Variants in SOX5 observed in about 807,000 individuals in gnomAD.
SOX5 encodes SRY-box transcription factor 5, also known as transcription factor SOX-5.
In SOX5, 9 loss-of-function variants were observed where a neutral mutation model predicts 92.0. The observed-to-expected ratio is 0.10, with a 90% CI of 0.06 to 0.17. The LOEUF (loss-of-function observed/expected upper bound fraction) is 0.17. Ranked by LOEUF, SOX5 falls within the 10% of genes least tolerant of loss-of-function variation. SOX5 has a pLI of 1.00. For missense variants in SOX5, 642 were observed against 944.5 expected (o/e 0.68, Z 4.20); for synonymous variants, 344 against 336.3 (o/e 1.02, Z -0.25).
chr12:23,719,788 C>CAGA (rs1555289161), intron 6 of SOX5, among the ~76,000 whole-genome samples: 1 of 64,174 alleles, frequency 1.6e-5, no homozygotes, highest in Non-Finnish European at 2.8e-5. Flanking sequence ...AGCTATTTAC[C>CAGA]AAAAAAAAAA....
intron 1 of SOX5, among the ~76,000 whole-genome samples, chr12:24,443,038 G>A (rs1398734900): frequency 1.5e-5 from 2 of 135,558 alleles, no homozygotes; most frequent in African/African-American, 2.8e-5. Context: ...TGCCACCTCC[G>A]CCTCCTGGAT....
chr12:23,844,303 TG>T (rs1395267202), intron 3 of SOX5, among the ~76,000 whole-genome samples: 3 of 152,228 alleles, frequency 2.0e-5, no homozygotes, highest in Admixed American at 1.3e-4. Context: ...GAATGTGTAT[TG>T]CTTTTGTACC....
chr12:24,162,777 G>A (rs1952908606), intron 4 of SOX5, among the ~76,000 whole-genome samples: 1 of 151,972 alleles, frequency 6.6e-6, no homozygotes, highest in African/African-American at 2.4e-5. Flanking sequence ...TTGTCCTGTG[G>A]AATCTTTAAC....
chr12:24,100,192 TAAAC>T (rs1471984261), intron 4 of SOX5, among the ~76,000 whole-genome samples: 1 of 152,048 alleles, frequency 6.6e-6, no homozygotes, highest in Non-Finnish European at 1.5e-5. Context: ...TTAAAACAAA[TAAAC>T]AACACTTCCT....
intron 2 of SOX5, among the ~76,000 whole-genome samples, chr12:24,350,241 G>C (rs527460644): frequency 1.3e-5 from 2 of 152,328 alleles, no homozygotes; most frequent in African/African-American, 4.8e-5. Flanking sequence ...GTAGGGCGTA[G>C]GGCCCAGCCA....
intron 3 of SOX5, among the ~76,000 whole-genome samples, chr12:23,821,012 G>A (rs548928308): frequency 1.3e-3 from 191 of 152,244 alleles, no homozygotes; most frequent in African/African-American, 4.4e-3. Flanking sequence ...AATTACTTTG[G>A]GCAGTATGGC....
intron 4 of SOX5, among the ~76,000 whole-genome samples, chr12:24,064,915 C>T (rs184454127): frequency 6.6e-6 from 1 of 152,272 alleles, no homozygotes; most frequent in African/African-American, 2.4e-5. Context: ...CAAACACAGG[C>T]TATCAGCCAA....
At chr12:24,111,707 C>T (rs575208919) in intron 4 of SOX5, among the ~76,000 whole-genome samples, 46 of 152,066 alleles carry the variant, frequency 3.0e-4, no homozygotes, top group African/African-American at 9.9e-4. Flanking sequence ...ATTATCAAAG[C>T]TGAAAAAAAT....
intron 4 of SOX5, among the ~76,000 whole-genome samples, chr12:24,070,494 C>T (rs777511785): frequency 1.3e-5 from 2 of 151,840 alleles, no homozygotes; most frequent in Non-Finnish European, 2.9e-5. Context: ...TGGTGAAATA[C>T]ATATAACCAC....
chr12:23,845,400 C>T (rs960064505), intron 3 of SOX5, among the ~76,000 whole-genome samples: 5 of 152,084 alleles, frequency 3.3e-5, no homozygotes, highest in East Asian at 1.9e-4. Flanking sequence ...GTCCATTTGC[C>T]TATCACCTGA....
chr12:23,728,301 G>GGAGTTAAT (rs1160222543), intron 6 of SOX5, among the ~76,000 whole-genome samples: 24 of 152,266 alleles, frequency 1.6e-4, no homozygotes, highest in African/African-American at 5.3e-4. Flanking sequence ...TGGAGCTGAA[G>GGAGTTAAT]GAGTTAATGC....
intron 3 of SOX5, among the ~76,000 whole-genome samples, chr12:23,765,758 CTTT>C (rs571926787): frequency 2.0e-5 from 3 of 152,212 alleles, no homozygotes; most frequent in African/African-American, 4.8e-5. Context: ...CTGCCATCTT[CTTT>C]ATTTTGCACA....
At chr12:24,341,816 A>C (rs480391) in intron 2 of SOX5, among the ~76,000 whole-genome samples, 131,869 of 152,062 alleles carry the variant, frequency 0.87, 57,401 homozygotes, top group East Asian at 0.98. Flanking sequence ...AGCCTCCCTG[A>C]GAGGGTAGCT....
At chr12:24,263,058 CA>C (rs34237989) in intron 3 of SOX5, among the ~76,000 whole-genome samples, 105,973 of 150,208 alleles carry the variant, frequency 0.71, 39,175 homozygotes, top group East Asian at 0.96. Flanking sequence ...CTTGTCTCTA[CA>C]AAAAAAAAAG....
intron 2 of SOX5, among the ~76,000 whole-genome samples, chr12:24,327,065 T>C (rs1214948611): frequency 2.0e-5 from 3 of 152,098 alleles, no homozygotes; most frequent in African/African-American, 7.2e-5. Context: ...TGGCATAGCA[T>C]TTGGGAAAAA....
chr12:23,902,298 T>C (rs1200849704), intron 1 of SOX5, among the ~76,000 whole-genome samples: 2 of 152,178 alleles, frequency 1.3e-5, no homozygotes, highest in Admixed American at 6.5e-5. Flanking sequence ...TACATTCTTT[T>C]TTAAGTTTCT....
chr12:24,305,286 C>CT (rs1948441282), intron 2 of SOX5, among the ~76,000 whole-genome samples: 1 of 152,116 alleles, frequency 6.6e-6, no homozygotes, highest in Non-Finnish European at 1.5e-5. Flanking sequence ...GCTAAAAATC[C>CT]TTGAACACGC....
intron 4 of SOX5, among the ~76,000 whole-genome samples, chr12:24,030,164 T>G (rs565187987): frequency 2.6e-5 from 4 of 151,968 alleles, no homozygotes; most frequent in Non-Finnish European, 5.9e-5. Context: ...TATGCCAACT[T>G]TGTAAAACAC....
intron 1 of SOX5, among the ~76,000 whole-genome samples, chr12:24,522,318 A>T: frequency 6.6e-6 from 1 of 152,044 alleles, no homozygotes. Context: ...TGACGGTTTC[A>T]CTGGTGAATT....
Sources: gnomAD v4.1 joint callset for allele counts (sites outside exome capture counted in the v4.1 genomes callset) on GRCh38, gnomAD v4.1.1 for gene constraint, MANE v1.5 for transcripts, NCBI Gene and HGNC (gene_info 2026-07-23, HGNC 2026-07-21) for gene names.